Variants in SUMF1 observed in about 807,000 individuals in gnomAD.
The protein encoded by SUMF1 is sulfatase modifying factor 1.
Under a neutral mutation model 47.6 loss-of-function variants are expected in SUMF1, and 48 were observed. The observed-to-expected ratio is 1.01, with a 90% CI of 0.80 to 1.28. The LOEUF (loss-of-function observed/expected upper bound fraction) is 1.28. Ranked by LOEUF, SUMF1 falls within the 50% of genes most tolerant of loss-of-function variation. SUMF1 has a pLI of 0.00. For missense variants in SUMF1, 571 were observed against 485.4 expected, an observed-to-expected ratio of 1.18 and a Z score of -1.66; for synonymous variants, 230 against 192.1, an observed-to-expected ratio of 1.20 and a Z score of -1.63.
At chr3:4,289,336 C>A (rs1309060410) in intron 8 of SUMF1, among the ~76,000 whole-genome samples, 1 of 152,168 alleles carries the variant, frequency 6.6e-6, no homozygotes, top group South Asian at 2.1e-4. Context: ...AGTTAAATCT[C>A]CAGGACAATC....
chr3:4,151,851 C>T (rs1694344381), intron 8 of SUMF1, among the ~76,000 whole-genome samples: 1 of 151,468 alleles, frequency 6.6e-6, no homozygotes, highest in African/African-American at 2.5e-5. Context: ...TGCACTGGGA[C>T]AGGTACGACA....
intron 8 of SUMF1, among the ~76,000 whole-genome samples, chr3:4,134,885 A>T (rs964987533): frequency 9.2e-5 from 14 of 152,198 alleles, no homozygotes; most frequent in Non-Finnish European, 1.8e-4. Context: ...AAATGGATAA[A>T]TTCTTCAACA....
intron 1 of SUMF1, 120 bp from the exon 2 acceptor site, chr3:4,453,169 CTG>C (rs1334244697): frequency 6.1e-5 from 64 of 1,042,880 alleles, no homozygotes; most frequent in Non-Finnish European, 7.1e-6. Context: ...ACAGTAATAA[CTG>C]TAAAATTCGG....
intron 8 of SUMF1, among the ~76,000 whole-genome samples, chr3:4,142,651 A>T (rs1287863327): frequency 6.6e-6 from 1 of 152,072 alleles, no homozygotes; most frequent in African/African-American, 2.4e-5. Context: ...GTGTTTGAAA[A>T]ATAGGTACCT....
chr3:4,096,244 C>T (rs929989361), intron 8 of SUMF1, among the ~76,000 whole-genome samples: 2 of 152,204 alleles, frequency 1.3e-5, no homozygotes, highest in East Asian at 3.9e-4. Context: ...GGTCATCATG[C>T]CTGAGAACTT....
At chr3:4,274,437 T>A (rs2125039891) in intron 8 of SUMF1, among the ~76,000 whole-genome samples, 1 of 152,298 alleles carries the variant, frequency 6.6e-6, no homozygotes, top group Middle Eastern at 3.4e-3. Flanking sequence ...CTAACTACAA[T>A]TCTGTGGAGG....
chr3:4,200,566 C>G (rs1282825709), intron 8 of SUMF1, among the ~76,000 whole-genome samples: 4 of 152,058 alleles, frequency 2.6e-5, no homozygotes, highest in Non-Finnish European at 5.9e-5. Context: ...AGAGTTACAC[C>G]ATGAGTTTCT....
intron 3 of SUMF1, among the ~76,000 whole-genome samples, chr3:4,435,763 C>T (rs959903485): frequency 1.3e-5 from 2 of 152,042 alleles, no homozygotes; most frequent in African/African-American, 4.8e-5. Flanking sequence ...AAAGGACCTG[C>T]CAGCTCAGAA....
chr3:4,344,063 G>A (rs2125144881), intron 8 of SUMF1, among the ~76,000 whole-genome samples: 1 of 152,348 alleles, frequency 6.6e-6, no homozygotes, highest in South Asian at 2.1e-4. Flanking sequence ...TATAAGTTGT[G>A]ATTGACAGGC....
At chr3:4,227,763 T>G (rs555931802) in intron 8 of SUMF1, among the ~76,000 whole-genome samples, 5 of 152,250 alleles carry the variant, frequency 3.3e-5, no homozygotes, top group Admixed American at 1.3e-4. Flanking sequence ...AGAGCTAAAA[T>G]GCAGGAGGCA....
downstream of SUMF1, among the ~76,000 whole-genome samples, chr3:4,358,879 C>G (rs1474690025): frequency 6.6e-6 from 1 of 152,120 alleles, no homozygotes; most frequent in Non-Finnish European, 1.5e-5. Context: ...AAAGAAGGTG[C>G]CTCAAAACTT....
chr3:4,224,005 G>A lies in SUMF1; in HGVS notation c.1014+152325C>T, dbSNP rs186637854. 9.2e-4 allele frequency among the ~76,000 whole-genome samples: 140 copies of A among 152,170 alleles called. 1 individual carries two copies. Among genetic ancestry groups the A allele is most frequent in the Admixed American group, 5.4e-3 (83 of 15,270 alleles). On this transcript the variant is annotated intron_variant and NMD_transcript_variant, in intron 8 of 12. Transcript: ENST00000448413. ...ACAACAGCATTAAGGATAAGAGTAA[G>A]CAAGAAGGAACAGGAGGGAAAAAGA... is the stretch of plus-strand genomic sequence containing the variant.
intron 8 of SUMF1, among the ~76,000 whole-genome samples, chr3:4,216,422 T>G (rs1695925412): frequency 6.6e-6 from 1 of 152,028 alleles, no homozygotes; most frequent in Admixed American, 6.6e-5. Flanking sequence ...ACATAAGACC[T>G]AAAACCATAA....
chr3:4,401,239 A>G (rs113676721), intron 7 of SUMF1, among the ~76,000 whole-genome samples: 7 of 152,154 alleles, frequency 4.6e-5, no homozygotes, highest in South Asian at 4.2e-4. Flanking sequence ...GTTGGTTCCA[A>G]GTCTTTGCTC....
intron 9 of SUMF1, among the ~76,000 whole-genome samples, chr3:4,062,174 C>T (rs1054129135): frequency 2.0e-5 from 3 of 152,052 alleles, no homozygotes; most frequent in Non-Finnish European, 4.4e-5. Context: ...CTGAGCCAAC[C>T]CTTGCCTGGG....
chr3:4,435,153 C>T (rs1702356453), intron 3 of SUMF1, among the ~76,000 whole-genome samples: 1 of 152,176 alleles, frequency 6.6e-6, no homozygotes, highest in Admixed American at 6.5e-5. Flanking sequence ...TCTTGAACTC[C>T]TAACCTCAGG....
At chr3:4,456,655 TGTGTATATATATATATAC>T (rs1295248572) in intron 1 of SUMF1, among the ~76,000 whole-genome samples, 3 of 145,370 alleles carry the variant, frequency 2.1e-5, no homozygotes, top group East Asian at 2.0e-4. Context: ...TATATATGTG[TGTGTATATATATATATAC>T]GTGTATATAT....
chr3:4,248,222 A>G (rs1696712983), intron 8 of SUMF1, among the ~76,000 whole-genome samples: 1 of 152,178 alleles, frequency 6.6e-6, no homozygotes, highest in Admixed American at 6.5e-5. Context: ...AAAACAAAGG[A>G]GTCATTGCTC....
intron 8 of SUMF1, among the ~76,000 whole-genome samples, chr3:4,188,169 T>C (rs1268904327): frequency 7.0e-6 from 1 of 142,480 alleles, no homozygotes; most frequent in African/African-American, 2.7e-5. Flanking sequence ...ATAGTTTACA[T>C]TAGGGTTCAC....
Sources: allele counts gnomAD v4.1 joint callset (sites outside exome capture counted in the v4.1 genomes callset), GRCh38; gene constraint gnomAD v4.1.1; transcripts MANE v1.5; gene names NCBI Gene and HGNC (gene_info 2026-07-23, HGNC 2026-07-21).